Variants in IFT81 observed in about 807,000 individuals in gnomAD.
The protein encoded by IFT81 is intraflagellar transport 81.
IFT81 carries 72 observed loss-of-function variants against 102.6 expected under a neutral mutation model. The ratio of observed to expected loss-of-function variants is 0.70; its 90% confidence interval spans 0.58 to 0.85. The LOEUF is 0.85. IFT81 is among the 40% of genes least tolerant of loss of function. The probability of loss-of-function intolerance (pLI) is 0.00; values close to 1 mark genes in which losing one functional copy is unlikely to be tolerated. For synonymous variants in IFT81, 237 were observed against 242.7 expected, an observed-to-expected ratio of 0.98 and a Z score of 0.22; for missense variants, 723 against 787.3, an observed-to-expected ratio of 0.92 and a Z score of 0.98.
At chr12:110,206,639 C>T (rs957492459) in intron 17 of IFT81, among the ~76,000 whole-genome samples, 6 of 147,682 alleles carry the variant, frequency 4.1e-5, no homozygotes, top group African/African-American at 1.3e-4. Context: ...CATGCCACTG[C>T]GTTCCAGCCT....
chr12:110,205,380 C>A, intron 15 of IFT81, 63 bp from the exon 16 acceptor site: 1 of 1,501,948 alleles, frequency 6.7e-7, no homozygotes. Flanking sequence ...CATCTAAAGT[C>A]ATCGTCGCCA....
At chr12:110,206,581 G>A (rs879424554) in intron 17 of IFT81, among the ~76,000 whole-genome samples, 2 of 151,798 alleles carry the variant, frequency 1.3e-5, no homozygotes, top group Non-Finnish European at 2.9e-5. Context: ...AGGCCGAGGC[G>A]TGGGAATCGC....
chr12:110,144,952 A>G (rs1230257404), intron 9 of IFT81, among the ~76,000 whole-genome samples: 1 of 127,232 alleles, frequency 7.9e-6, no homozygotes, highest in African/African-American at 3.1e-5. Context: ...TGCAACCTCC[A>G]CCTTCTGGGT....
intron 8 of IFT81, among the ~76,000 whole-genome samples, chr12:110,141,424 CTT>C (rs1894885530): frequency 6.6e-6 from 1 of 152,132 alleles, no homozygotes; most frequent in Non-Finnish European, 1.5e-5. Context: ...GAATGGAAAA[CTT>C]AGAATTTGCA....
intron 18 of IFT81, among the ~76,000 whole-genome samples, chr12:110,213,946 A>C (rs1165204557): frequency 6.6e-6 from 1 of 152,082 alleles, no homozygotes; most frequent in Non-Finnish European, 1.5e-5. Flanking sequence ...CATACTGTAC[A>C]TTTTCTGTCT....
rs985717330 is a variant in IFT81, at chr12:110,218,315, A to G, written c.*89A>G. The G allele has an allele frequency of 2.0e-5, 20 of 990,158 alleles. No individual in the cohort carries two copies. Among genetic ancestry groups the G allele is most frequent in the Admixed American group, 2.8e-5 (1 of 35,358 alleles). The allele number at this position is 990,158 out of a possible 1,614,324, so 61.3% of individuals were successfully genotyped here. ...TATTTCTTTTTTGAAACTGATTTGT[A>G]TAGCATTTTGTTTTCAGAAGAGCCA... On this transcript the variant is annotated 3_prime_UTR_variant, in exon 19 of 19. Coordinates refer to ENST00000242591, the MANE Select transcript of IFT81 (RefSeq NM_014055.4).
intron 14 of IFT81, among the ~76,000 whole-genome samples, chr12:110,199,177 A>G (rs1206083162): frequency 6.6e-6 from 1 of 152,130 alleles, no homozygotes; most frequent in Non-Finnish European, 1.5e-5. Context: ...ATACTTATTT[A>G]GTTGGCTTAT....
chr12:110,142,593 C>T (rs1459705609), intron 8 of IFT81, among the ~76,000 whole-genome samples: 1 of 151,834 alleles, frequency 6.6e-6, no homozygotes, highest in Non-Finnish European at 1.5e-5. Context: ...GTTCTGGGTA[C>T]AGTGTAATCC....
chr12:110,184,574 T>C (rs1310973823), intron 12 of IFT81, among the ~76,000 whole-genome samples: 5 of 152,120 alleles, frequency 3.3e-5, no homozygotes, highest in Admixed American at 1.3e-4. Flanking sequence ...AAAAGATTTA[T>C]TGAAGGACAT....
rs574607519 is a variant in IFT81, at chr12:110,202,100, A to G, written c.1558-1764A>G. 2.3e-4 allele frequency among the ~76,000 whole-genome samples: 35 copies of G among 152,380 alleles called. No individual in the cohort carries two copies. The East Asian group carries it at 6.0e-3, about 26-fold the overall frequency. On this transcript the variant is annotated intron_variant, in intron 14 of 18. Coordinates refer to ENST00000242591, the MANE Select transcript of IFT81 (RefSeq NM_014055.4). ...CATAATTGTATTGCTATACTTCTAT[A>G]CAACTGACAGTAGATTGGTTTACAC...
At chr12:110,130,236 G>T (rs1341283592) in intron 4 of IFT81, among the ~76,000 whole-genome samples, 1 of 152,030 alleles carries the variant, frequency 6.6e-6, no homozygotes, top group Admixed American at 6.5e-5. Flanking sequence ...GAGACCACCT[G>T]TCCTTACCTT....
intron 10 of IFT81, among the ~76,000 whole-genome samples, chr12:110,160,560 A>G (rs1194879321): frequency 6.6e-6 from 1 of 152,168 alleles, no homozygotes; most frequent in African/African-American, 2.4e-5. Context: ...TGCCCACCAC[A>G]TTGAGAGTGG....
intron 17 of IFT81, among the ~76,000 whole-genome samples, chr12:110,208,442 G>T (rs999168254): frequency 6.6e-6 from 1 of 152,086 alleles, no homozygotes; most frequent in Admixed American, 6.6e-5. Flanking sequence ...GGAGGTGGAG[G>T]CTACAATGAG....
chr12:110,205,818 A>G (rs1868550211), intron 17 of IFT81, 138 bp downstream of exon 17: 1 of 521,694 alleles, frequency 1.9e-6, no homozygotes, highest in South Asian at 3.8e-5. Flanking sequence ...AAATCTTACT[A>G]AACATCTAGA....
intron 16 of IFT81, 33 bp downstream of exon 16, chr12:110,205,547 T>C: frequency 6.3e-7 from 1 of 1,585,110 alleles, no homozygotes; most frequent in Non-Finnish European, 8.5e-7. Flanking sequence ...CATTTCTGAG[T>C]TTTTTCTATA....
chr12:110,167,936 GAA>G, intron 11 of IFT81: 1 of 227,790 alleles, frequency 4.4e-6, no homozygotes, highest in Non-Finnish European at 8.9e-6. Flanking sequence ...ACTGCAGCCT[GAA>G]ACTCCTAGGC....
intron 10 of IFT81, among the ~76,000 whole-genome samples, chr12:110,153,440 T>C (rs1395188165): frequency 1.3e-5 from 2 of 150,312 alleles, no homozygotes; most frequent in African/African-American, 4.9e-5. Flanking sequence ...TCCATGTCTC[T>C]ACTAAAGGTC....
chr12:110,165,688 G>A (rs1299397533), intron 11 of IFT81, among the ~76,000 whole-genome samples: 1 of 152,138 alleles, frequency 6.6e-6, no homozygotes, highest in Non-Finnish European at 1.5e-5. Flanking sequence ...AGTGATGCTC[G>A]AGGAGATTGC....
At chr12:110,181,534 G>C (rs954075575) in intron 12 of IFT81, among the ~76,000 whole-genome samples, 1 of 152,188 alleles carries the variant, frequency 6.6e-6, no homozygotes, top group East Asian at 1.9e-4. Context: ...CCCAGCATAC[G>C]GTCTGTTTTG....
Sources: allele counts gnomAD v4.1 joint callset (sites outside exome capture counted in the v4.1 genomes callset), GRCh38; gene constraint gnomAD v4.1.1; transcripts MANE v1.5; gene names NCBI Gene and HGNC (gene_info 2026-07-23, HGNC 2026-07-21).